Variants in POLDIP3 observed in about 807,000 individuals in gnomAD.
The protein encoded by POLDIP3 is DNA polymerase delta interacting protein 3, also known as polymerase delta-interacting protein 3.
A neutral mutation model predicts 45.1 loss-of-function variants in POLDIP3; 14 were observed. That is an observed-to-expected ratio of 0.31 (90% confidence interval 0.20 to 0.49). POLDIP3 has a LOEUF of 0.49. POLDIP3 is among the 20% of genes least tolerant of loss of function. The probability of loss-of-function intolerance (pLI) is 0.99; values close to 1 mark genes in which losing one functional copy is unlikely to be tolerated. For missense variants in POLDIP3, 511 were observed against 538.8 expected (o/e 0.95, Z 0.51); for synonymous variants, 223 against 205.2 (o/e 1.09, Z -0.74).
intron 7 of POLDIP3, among the ~76,000 whole-genome samples, chr22:42,588,204 C>T (rs1925434570): frequency 6.6e-6 from 1 of 151,990 alleles, no homozygotes; most frequent in South Asian, 2.1e-4. Context: ...GCCTGTAATC[C>T]CAGCACTTTG....
At chr22:42,606,141 C>CA (rs1278507065) in intron 1 of POLDIP3, among the ~76,000 whole-genome samples, 1 of 150,366 alleles carries the variant, frequency 6.7e-6, no homozygotes, top group Non-Finnish European at 1.5e-5. Flanking sequence ...GACTCTGTTT[C>CA]AAAAAAAATA....
intron 7 of POLDIP3, among the ~76,000 whole-genome samples, chr22:42,590,727 A>G (rs1925612432): frequency 6.6e-6 from 1 of 152,216 alleles, no homozygotes; most frequent in Non-Finnish European, 1.5e-5. Context: ...TATGTAAAGT[A>G]CTTCTACAAC....
chr22:42,614,708 C>T (rs1450439417), intron 1 of POLDIP3, 91 bp downstream of exon 1: 1 of 1,423,532 alleles, frequency 7.0e-7, no homozygotes, highest in Non-Finnish European at 9.9e-7. Flanking sequence ...CGCACCCGGT[C>T]CTCCGCGTCG....
In POLDIP3 at chr22:42,584,330, C is replaced by A; in HGVS notation, c.*1461G>T. Reference sequence around the variant, plus strand: ...TTTCCCGTCCTGGGCAGCCTCAGAGCCTGCACACTGAAGCTGGGTTCAAAT... The same window carrying A: ...TTTCCCGTCCTGGGCAGCCTCAGAGACTGCACACTGAAGCTGGGTTCAAAT... On this transcript the variant is annotated 3_prime_UTR_variant, in exon 9 of 9. Transcript: ENST00000252115. The A allele has an allele frequency of 6.3e-6, 1 of 158,242 alleles. No individual in the cohort carries two copies. Among genetic ancestry groups the A allele is most frequent in the Non-Finnish European group, 1.4e-5 (1 of 71,132 alleles). 9.8% of individuals were successfully genotyped at this position (158,242 alleles called of 1,614,324 possible). A position where few individuals can be genotyped will look rare whatever the true frequency, so the allele number is the denominator to read the frequency against.
Position 42,585,558 on chromosome 22 carries a change from T to C in POLDIP3, c.*233A>G, listed in dbSNP as rs746154154. On this transcript the variant is annotated 3_prime_UTR_variant, in exon 9 of 9. Coordinates refer to ENST00000252115, the MANE Select transcript of POLDIP3 (RefSeq NM_032311.5). ...ACACACTGAAAAACACAAGCCTACC[T>C]TGGCGATGAGATGAAGAAACATACT... 6 of 522,146 alleles carry C rather than the reference T, an allele frequency of 1.1e-5. No homozygotes were observed. Among genetic ancestry groups the C allele is most frequent in the Admixed American group, 3.4e-5 (1 of 29,156 alleles). 32.3% of individuals were successfully genotyped at this position (522,146 alleles called of 1,614,324 possible).
rs749689945 is a variant in POLDIP3 at position 42,587,577 on chromosome 22, A to T, written c.1022-5T>A. On this transcript the variant is annotated splice_region_variant and splice_polypyrimidine_tract_variant and intron_variant, in intron 7 of 8. Coordinates refer to ENST00000252115, the MANE Select transcript of POLDIP3 (RefSeq NM_032311.5). ...GGTTGCACTTCATCGGCTGCCCTGA[A>T]AAACCAAAGAAAGAAAAAGGCTCTG... 1.2e-6 allele frequency: 2 copies of T among 1,613,292 alleles called. No homozygotes were observed. The highest frequency in any genetic ancestry group is 2.2e-5 in the East Asian group (1 of 44,878).
At chr22:42,601,067 C>T (rs553862518) in intron 3 of POLDIP3, among the ~76,000 whole-genome samples, 1 of 152,016 alleles carries the variant, frequency 6.6e-6, no homozygotes, top group South Asian at 2.1e-4. Context: ...TGCACTCCAG[C>T]CTGGGGGACA....
intron 1 of POLDIP3, among the ~76,000 whole-genome samples, chr22:42,606,406 G>A (rs761228130): frequency 3.5e-4 from 53 of 151,954 alleles, no homozygotes; most frequent in Non-Finnish European, 1.3e-4. Flanking sequence ...TGAGGCAGGA[G>A]GATGGCTTGA....
chr22:42,596,364 G>C lies in POLDIP3; in HGVS notation c.635C>G (p.Ala212Gly), dbSNP rs1190769308. Residue 212 changes from alanine (A) to glycine (G), a missense_variant and splice_region_variant, in exon 5 of 9, where the codon GCT becomes GGT. This residue lies in a region of POLDIP3 where 378 missense variants were observed against 352.3 expected (regional missense o/e 1.07). Coordinates refer to ENST00000252115, the MANE Select transcript of POLDIP3 (RefSeq NM_032311.5). ...GGAAAGCTTGGAACTGCTTAGCCCAGCCTAAACGAAGAGACAGAAAAGAAT... is the reference window on the plus strand; with the variant it reads ...GGAAAGCTTGGAACTGCTTAGCCCACCCTAAACGAAGAGACAGAAAAGAAT... ...AASGGFLHHMAGLSSSKLSMS... is the reference protein window; with the variant it reads ...AASGGFLHHMGGLSSSKLSMS... 1.2e-6 allele frequency: 2 copies of C among 1,612,826 alleles called. No homozygotes were observed. Among genetic ancestry groups the C allele is most frequent in the South Asian group, 1.1e-5 (1 of 90,912 alleles).
intron 4 of POLDIP3, among the ~76,000 whole-genome samples, chr22:42,598,695 T>C (rs1926157004): frequency 6.6e-6 from 1 of 152,158 alleles, no homozygotes; most frequent in African/African-American, 2.4e-5. Context: ...ATATTTCTCT[T>C]AATTACTAAC....
intron 8 of POLDIP3, 150 bp downstream of exon 8, chr22:42,587,356 G>C (rs927806002): frequency 1.1e-5 from 9 of 814,180 alleles, no homozygotes; most frequent in Non-Finnish European, 1.8e-5. Flanking sequence ...TTTTGGTCAA[G>C]TTTAAGCATA....
chr22:42,610,372 C>A (rs1034854186), intron 1 of POLDIP3, among the ~76,000 whole-genome samples: 3 of 152,116 alleles, frequency 2.0e-5, no homozygotes, highest in Non-Finnish European at 4.4e-5. Flanking sequence ...CTGGGCTGAA[C>A]TGCAAAGTTT....
intron 7 of POLDIP3, among the ~76,000 whole-genome samples, chr22:42,588,832 T>C (rs1356371847): frequency 6.6e-6 from 1 of 152,154 alleles, no homozygotes; most frequent in Non-Finnish European, 1.5e-5. Context: ...TTCCTCATAT[T>C]GGTCAAGCTG....
intron 4 of POLDIP3, among the ~76,000 whole-genome samples, chr22:42,597,947 T>C (rs1264334604): frequency 2.0e-5 from 3 of 151,340 alleles, no homozygotes; most frequent in African/African-American, 7.3e-5. Flanking sequence ...GCCCAGCTAA[T>C]TTTTTATTTT....
chr22:42,609,609 A>C (rs544634612), intron 1 of POLDIP3, among the ~76,000 whole-genome samples: 1 of 152,312 alleles, frequency 6.6e-6, no homozygotes, highest in South Asian at 2.1e-4. Flanking sequence ...ATTATAAAGC[A>C]GATTTTAACC....
intron 3 of POLDIP3, among the ~76,000 whole-genome samples, chr22:42,600,177 T>C (rs1055019438): frequency 2.6e-5 from 4 of 152,228 alleles, no homozygotes; most frequent in African/African-American, 9.6e-5. Context: ...GCAGAAGGAT[T>C]TCTAACAGTG....
At chr22:42,593,799 G>A (rs901185745) in intron 6 of POLDIP3, among the ~76,000 whole-genome samples, 4 of 152,134 alleles carry the variant, frequency 2.6e-5, no homozygotes, top group Admixed American at 6.5e-5. Flanking sequence ...GATTACAGGC[G>A]TGAGCCACTG....
intron 4 of POLDIP3, among the ~76,000 whole-genome samples, chr22:42,598,087 T>C (rs1926108218): frequency 6.7e-6 from 1 of 149,750 alleles, no homozygotes; most frequent in Admixed American, 6.6e-5. Flanking sequence ...CAGCTTCATG[T>C]TTCTTTTTTT....
intron 2 of POLDIP3, 165 bp from the exon 3 acceptor site, chr22:42,602,221 T>A: frequency 1.8e-6 from 2 of 1,136,994 alleles, no homozygotes; most frequent in Non-Finnish European, 2.4e-6. Context: ...AGAAGAATCA[T>A]CAATCCAGAG....
Sources: allele counts gnomAD v4.1 joint callset (sites outside exome capture counted in the v4.1 genomes callset), GRCh38; gene constraint gnomAD v4.1.1; regional missense constraint gnomAD v4.1.1; transcripts MANE v1.5; gene names NCBI Gene and HGNC (gene_info 2026-07-23, HGNC 2026-07-21).